CRACD: variants seen among roughly 807,000 people sequenced by gnomAD.
CRACD encodes capping protein-inhibiting regulator of actin dynamics.
Under a neutral mutation model 106.8 loss-of-function variants are expected in CRACD, and 56 were observed. The observed-to-expected ratio is 0.52, with a 90% CI of 0.42 to 0.66. The LOEUF (loss-of-function observed/expected upper bound fraction) is 0.66. Among genes scored for constraint, CRACD ranks in the 30% least tolerant of loss-of-function variants. CRACD has a pLI of 0.00. For missense variants in CRACD, 1,730 were observed against 1,623.2 expected (o/e 1.07, Z -1.13); for synonymous variants, 754 against 670.8 (o/e 1.12, Z -1.92).
intron 2 of CRACD, among the ~76,000 whole-genome samples, chr4:56,247,287 T>TAGG (rs36065068): frequency 0.5 from 75,821 of 151,750 alleles, 20,278 homozygotes; most frequent in Middle Eastern, 0.68. Context: ...AGATCAGTCT[T>TAGG]ACAGTGAATA....
At chr4:56,306,361 G>A (rs1031336576) in intron 4 of CRACD, among the ~76,000 whole-genome samples, 1 of 152,062 alleles carries the variant, frequency 6.6e-6, no homozygotes, top group East Asian at 1.9e-4. Flanking sequence ...GGCTGTGGTG[G>A]TGCATGCCTG....
chr4:56,221,666 T>A (rs1400126033), intron 2 of CRACD, among the ~76,000 whole-genome samples: 4 of 151,452 alleles, frequency 2.6e-5, no homozygotes, highest in African/African-American at 9.7e-5. Flanking sequence ...CAAAAAAAAT[T>A]AAAAAATAAA....
chr4:56,310,496 G>C (rs1745074304), intron 5 of CRACD, among the ~76,000 whole-genome samples, 170 bp from the exon 6 acceptor site: 1 of 152,198 alleles, frequency 6.6e-6, no homozygotes, highest in African/African-American at 2.4e-5. Flanking sequence ...AGTGCTGGTG[G>C]AGTTTGGATA....
intron 2 of CRACD, among the ~76,000 whole-genome samples, chr4:56,202,405 C>A (rs983425861): frequency 6.6e-6 from 1 of 152,128 alleles, no homozygotes; most frequent in African/African-American, 2.4e-5. Context: ...TGCCATCACA[C>A]CCGGCTAATT....
chr4:56,177,318 A>G (rs1736629602), intron 1 of CRACD, among the ~76,000 whole-genome samples: 1 of 152,224 alleles, frequency 6.6e-6, no homozygotes, highest in Admixed American at 6.5e-5. Context: ...GCATCTATTG[A>G]AATCATCATA....
chr4:56,292,329 G>C (rs542569709), intron 3 of CRACD, among the ~76,000 whole-genome samples: 27 of 152,278 alleles, frequency 1.8e-4, no homozygotes, highest in African/African-American at 4.1e-4. Context: ...AATAACCCAG[G>C]CTCTCAGTTG....
intron 3 of CRACD, among the ~76,000 whole-genome samples, chr4:56,274,020 C>T (rs1742523042): frequency 6.6e-6 from 1 of 152,208 alleles, no homozygotes; most frequent in African/African-American, 2.4e-5. Flanking sequence ...TCACCAACAG[C>T]ATTTGTTAGT....
chr4:56,213,960 C>A (rs778866979), intron 2 of CRACD, among the ~76,000 whole-genome samples: 2 of 152,248 alleles, frequency 1.3e-5, no homozygotes, highest in African/African-American at 2.4e-5. Flanking sequence ...AATAAGAAAG[C>A]CTGAATGGTC....
intron 2 of CRACD, among the ~76,000 whole-genome samples, 161 bp from the exon 3 acceptor site, chr4:56,272,160 G>A (rs1227386311): frequency 1.3e-5 from 2 of 152,234 alleles, no homozygotes; most frequent in African/African-American, 2.4e-5. Flanking sequence ...GCTGGGGCTG[G>A]CGCCGACATT....
chr4:56,133,846 T>C (rs1734905315), intron 1 of CRACD, among the ~76,000 whole-genome samples: 1 of 152,152 alleles, frequency 6.6e-6, no homozygotes, highest in African/African-American at 2.4e-5. Flanking sequence ...AAAAATACTT[T>C]GGGGCAAAGA....
At chr4:56,188,907 C>G (rs985100925) in intron 2 of CRACD, among the ~76,000 whole-genome samples, 2 of 152,006 alleles carry the variant, frequency 1.3e-5, no homozygotes, top group African/African-American at 2.4e-5. Flanking sequence ...TGCGGTAGCT[C>G]ACGCCTGTAA....
At chr4:56,169,578 C>A (rs906564916) in intron 1 of CRACD, among the ~76,000 whole-genome samples, 2 of 152,040 alleles carry the variant, frequency 1.3e-5, no homozygotes, top group African/African-American at 4.8e-5. Context: ...GCTGATGGCA[C>A]CTCTACCTCC....
intron 2 of CRACD, among the ~76,000 whole-genome samples, chr4:56,205,655 T>C (rs1161565046): frequency 1.3e-5 from 2 of 149,452 alleles, no homozygotes; most frequent in African/African-American, 4.9e-5. Flanking sequence ...ATTTATTTGT[T>C]TATTTAGAGA....
At chr4:56,310,626 T>C in intron 5 of CRACD, 40 bp from the exon 6 acceptor site, 2 of 1,431,798 alleles carry the variant, frequency 1.4e-6, no homozygotes, top group Admixed American at 1.7e-5. Context: ...CAGAACTTCC[T>C]GTTCAGGCCT....
intron 8 of CRACD, among the ~76,000 whole-genome samples, chr4:56,317,605 A>G (rs1745762905): frequency 6.6e-6 from 1 of 152,184 alleles, no homozygotes; most frequent in African/African-American, 2.4e-5. Context: ...TCTTCACTGT[A>G]TCTCTGGGCA....
intron 2 of CRACD, among the ~76,000 whole-genome samples, chr4:56,226,087 G>C (rs976797339): frequency 2.4e-4 from 36 of 151,940 alleles, no homozygotes; most frequent in African/African-American, 8.0e-4. Flanking sequence ...GAAGTCGTAA[G>C]AAGTGGGGCC....
In CRACD at chr4:56,216,196, G is replaced by A. The variant is rs375669249; in HGVS notation, c.-189+36766G>A. ...GAAGACCCTCTGGAAACACAGAGCT[G>A]TGTGGTTGCAGGAAATGGGCTCTTT... On this transcript the variant is annotated intron_variant, in intron 2 of 10. Transcript: ENST00000682029. 1.4e-4 allele frequency: 21 copies of A among 152,352 alleles called. No homozygotes were observed. In the South Asian group the frequency reaches 1.7e-3, roughly 12 times the overall value. 9.4% of individuals were successfully genotyped at this position (152,352 alleles called of 1,614,324 possible). A position where few individuals can be genotyped will look rare whatever the true frequency, so the allele number is the denominator to read the frequency against.
At chr4:56,257,362 G>A (rs929414031) in intron 2 of CRACD, among the ~76,000 whole-genome samples, 7 of 151,970 alleles carry the variant, frequency 4.6e-5, no homozygotes, top group Non-Finnish European at 7.4e-5. Flanking sequence ...GATTACAGGC[G>A]TGAGCCACCG....
chr4:56,075,758 C>T (rs1044145776), intron 1 of CRACD, among the ~76,000 whole-genome samples: 3 of 152,122 alleles, frequency 2.0e-5, no homozygotes, highest in Admixed American at 1.3e-4. Context: ...TCCATGGGTT[C>T]CTTTCCCTTA....
Sources: allele counts gnomAD v4.1 joint callset (sites outside exome capture counted in the v4.1 genomes callset), GRCh38; gene constraint gnomAD v4.1.1; transcripts MANE v1.5; gene names NCBI Gene and HGNC (gene_info 2026-07-23, HGNC 2026-07-21).